The following SPATA6 variants were observed in gnomAD, a reference collection of about 807,000 sequenced individuals.
The protein encoded by SPATA6 is spermatogenesis-associated protein 6.
Under a neutral mutation model 65.3 loss-of-function variants are expected in SPATA6, and 56 were observed. The observed-to-expected ratio is 0.86, with a 90% confidence interval of 0.69 to 1.07. SPATA6 has a LOEUF of 1.07. Ranked by LOEUF, SPATA6 falls within the 50% of genes least tolerant of loss-of-function variation. SPATA6 has a pLI of 0.00. For missense variants in SPATA6, 590 were observed against 594.8 expected, an observed-to-expected ratio of 0.99 and a Z score of 0.08; for synonymous variants, 199 against 213.2, an observed-to-expected ratio of 0.93 and a Z score of 0.58.
the SPATA6 span, among the ~76,000 whole-genome samples, chr1:48,263,493 A>C: frequency 1.3e-5 from 2 of 152,114 alleles, no homozygotes; most frequent in Non-Finnish European, 2.9e-5. Context: ...AAAAGTGATC[A>C]ATTTGCTGCT....
chr1:48,344,608 G>A (rs1646311448), intron 11 of SPATA6, among the ~76,000 whole-genome samples: 1 of 152,112 alleles, frequency 6.6e-6, no homozygotes, highest in African/African-American at 2.4e-5. Context: ...ACCAAGACTT[G>A]TTGGTATGCT....
At position 48,358,588 on chromosome 1, in the gene SPATA6, G is replaced by A. The variant is rs972380405; in HGVS notation, c.1094+998C>T. Among the ~76,000 whole-genome samples the A allele has an allele frequency of 1.2e-4, 18 of 152,040 alleles. 1 individual carries two copies. Among genetic ancestry groups the A allele is most frequent in the African/African-American group, 4.1e-4 (17 of 41,420 alleles). On this transcript the variant is annotated intron_variant, in intron 10 of 12. Transcript: ENST00000371847. ...AAACAGCTGGGCAGATGAGGAAATCGAGGAAAGTCCCCTGATACTGAGATG... is the reference window on the plus strand; with the variant it reads ...AAACAGCTGGGCAGATGAGGAAATCAAGGAAAGTCCCCTGATACTGAGATG...
intron 1 of SPATA6, among the ~76,000 whole-genome samples, chr1:48,469,809 T>TGG (rs559501738): frequency 0.017 from 2,442 of 144,430 alleles, 62 homozygotes; most frequent in African/African-American, 0.06. Context: ...GTTTTTTTTG[T>TGG]GGGGGGGGCG....
chr1:48,426,459 A>C (rs1209199574), intron 3 of SPATA6, among the ~76,000 whole-genome samples: 1 of 152,144 alleles, frequency 6.6e-6, no homozygotes, highest in Non-Finnish European at 1.5e-5. Context: ...TAGGGAATAG[A>C]ATAAAACTTG....
intron 3 of SPATA6, among the ~76,000 whole-genome samples, chr1:48,424,237 G>A (rs1423334204): frequency 6.6e-6 from 1 of 152,144 alleles, no homozygotes; most frequent in African/African-American, 2.4e-5. Flanking sequence ...ACAAATAAGT[G>A]AGAACATGTG....
At chr1:48,400,504 GC>G (rs1204011303) in intron 6 of SPATA6, among the ~76,000 whole-genome samples, 3 of 152,058 alleles carry the variant, frequency 2.0e-5, no homozygotes, top group Admixed American at 6.6e-5. Context: ...GTTATAAGAA[GC>G]TTTTCAATTC....
chr1:48,416,746 G>A (rs1484266757), intron 3 of SPATA6, among the ~76,000 whole-genome samples: 1 of 151,902 alleles, frequency 6.6e-6, no homozygotes, highest in Non-Finnish European at 1.5e-5. Context: ...ATCTATTTCA[G>A]GAACAGAGAT....
Position 48,472,048 on chromosome 1 carries a change from G to A in SPATA6, c.-40C>T, listed in dbSNP as rs202091194. ...GCGGCGGGGAGTGACCCCGGCCACG[G>A]GCCCGAGTGAGGCGGGGAGACCTGG... On this transcript the variant is annotated 5_prime_UTR_variant, in exon 1 of 13. Coordinates refer to ENST00000371847, the MANE Select transcript of SPATA6 (RefSeq NM_019073.4). The A allele has an allele frequency of 1.3e-4, 184 of 1,463,062 alleles. No homozygotes were observed. The Middle Eastern group carries it at 2.5e-3, about 20-fold the overall frequency. The allele number at this position is 1,463,062 out of a possible 1,614,324, so 90.6% of individuals were successfully genotyped here.
At chr1:48,455,192 C>G (rs1409956574) in intron 1 of SPATA6, among the ~76,000 whole-genome samples, 1 of 151,984 alleles carries the variant, frequency 6.6e-6, no homozygotes, top group African/African-American at 2.4e-5. Flanking sequence ...GCCAATTACG[C>G]CCAGAGATAC....
chr1:48,314,663 C>A (rs566360615), intron 11 of SPATA6, among the ~76,000 whole-genome samples: 169 of 152,172 alleles, frequency 1.1e-3, no homozygotes, highest in Non-Finnish European at 1.9e-3. Flanking sequence ...CATTCAAAAC[C>A]TGGCAGAAGA....
chr1:48,379,396 T>C (rs1648290814), intron 9 of SPATA6, among the ~76,000 whole-genome samples: 2 of 152,150 alleles, frequency 1.3e-5, no homozygotes, highest in African/African-American at 4.8e-5. Context: ...AGCCAAACAA[T>C]ATCACATGTA....
At chr1:48,350,907 CAT>C (rs1262503603) in intron 11 of SPATA6, among the ~76,000 whole-genome samples, 7 of 151,888 alleles carry the variant, frequency 4.6e-5, no homozygotes, top group African/African-American at 1.7e-4. Context: ...CTACTAAAAA[CAT>C]GTGCTGGAAT....
the SPATA6 span, among the ~76,000 whole-genome samples, chr1:48,275,584 T>G: frequency 1.3e-5 from 2 of 152,204 alleles, no homozygotes; most frequent in East Asian, 3.8e-4. Context: ...CTTTTCTGTA[T>G]CTATTGAGAT....
At chr1:48,365,390 A>C (rs1646968528) in intron 9 of SPATA6, among the ~76,000 whole-genome samples, 1 of 152,180 alleles carries the variant, frequency 6.6e-6, no homozygotes, top group Non-Finnish European at 1.5e-5. Context: ...TACTTTGGGC[A>C]GTATGGCCAT....
chr1:48,310,339 C>A (rs1288727627), intron 11 of SPATA6, among the ~76,000 whole-genome samples: 1 of 152,172 alleles, frequency 6.6e-6, no homozygotes, highest in Non-Finnish European at 1.5e-5. Flanking sequence ...TTACCTCTAA[C>A]AGTGCCTGCC....
intron 3 of SPATA6, among the ~76,000 whole-genome samples, chr1:48,416,644 G>T (rs1231214466): frequency 1.3e-5 from 2 of 151,710 alleles, no homozygotes; most frequent in Non-Finnish European, 2.9e-5. Flanking sequence ...AACAGTAAAA[G>T]AAAGAATACT....
At chr1:48,370,723 T>C (rs1647214002) in intron 9 of SPATA6, among the ~76,000 whole-genome samples, 1 of 152,198 alleles carries the variant, frequency 6.6e-6, no homozygotes, top group Admixed American at 6.5e-5. Context: ...ATCTGTACTT[T>C]ATTGGTAAGA....
At chr1:48,359,445 A>T (rs1475573485) in intron 10 of SPATA6, 141 bp downstream of exon 10, 2 of 934,284 alleles carry the variant, frequency 2.1e-6, no homozygotes, top group Non-Finnish European at 3.1e-6. Context: ...TATGTAATAT[A>T]TTCTAAACAA....
In SPATA6 at chr1:48,468,499, T is replaced by G. The variant is rs1657977056; in HGVS notation, c.51+3459A>C. 2.0e-5 allele frequency among the ~76,000 whole-genome samples: 3 copies of G among 152,220 alleles called. No individual in the cohort carries two copies. The South Asian group carries it at 6.2e-4, about 31-fold the overall frequency. On this transcript the variant is annotated intron_variant, in intron 1 of 12. Coordinates refer to ENST00000371847, the MANE Select transcript of SPATA6 (RefSeq NM_019073.4). ...GATGTTTTGCTACAGGTATGTACACTGTGAAATGATTAATTCAAGCTAATT... is the reference window on the plus strand; with the variant it reads ...GATGTTTTGCTACAGGTATGTACACGGTGAAATGATTAATTCAAGCTAATT...
Sources: allele counts gnomAD v4.1 joint callset (sites outside exome capture counted in the v4.1 genomes callset), GRCh38; gene constraint gnomAD v4.1.1; transcripts MANE v1.5; gene names NCBI Gene and HGNC (gene_info 2026-07-23, HGNC 2026-07-21).